The following COL19A1 variants were observed in gnomAD, a reference collection of about 807,000 sequenced individuals.
COL19A1 encodes collagen alpha-1(XIX) chain.
COL19A1 carries 159 observed loss-of-function variants against 190.2 expected under a neutral mutation model. That is an observed-to-expected ratio of 0.84 (90% CI 0.73 to 0.95). COL19A1 has a LOEUF of 0.95. COL19A1 is among the 40% of genes least tolerant of loss of function. The probability of loss-of-function intolerance (pLI) is 0.00; values close to 1 mark genes in which losing one functional copy is unlikely to be tolerated. For missense variants in COL19A1, 1,418 were observed against 1,431.9 expected (o/e 0.99, Z 0.16); for synonymous variants, 509 against 458.9 (o/e 1.11, Z -1.39).
chr6:70,179,158 T>C (rs1050297560), intron 42 of COL19A1, among the ~76,000 whole-genome samples: 32 of 152,178 alleles, frequency 2.1e-4, no homozygotes, highest in Admixed American at 2.1e-3. Flanking sequence ...TCTCTCTAAC[T>C]TCTGCCTGCC....
At chr6:70,043,578 G>T (rs1014627173) in intron 14 of COL19A1, among the ~76,000 whole-genome samples, 1 of 152,186 alleles carries the variant, frequency 6.6e-6, no homozygotes, top group African/African-American at 2.4e-5. Flanking sequence ...GTGTTAGCAG[G>T]CATGAAAACG....
chr6:70,045,764 C>A (rs1007310419), intron 14 of COL19A1, among the ~76,000 whole-genome samples: 2 of 152,186 alleles, frequency 1.3e-5, no homozygotes, highest in African/African-American at 4.8e-5. Flanking sequence ...ACAGGAATTG[C>A]ATTTGCCCTA....
chr6:69,985,590 T>C (rs1172969041), intron 11 of COL19A1, among the ~76,000 whole-genome samples: 2 of 152,108 alleles, frequency 1.3e-5, no homozygotes, highest in Admixed American at 1.3e-4. Context: ...GCTGAGTATA[T>C]ATGCAAACAG....
intron 16 of COL19A1, among the ~76,000 whole-genome samples, chr6:70,113,021 C>T (rs188737735): frequency 7.9e-4 from 120 of 152,268 alleles, no homozygotes; most frequent in African/African-American, 2.8e-3. Context: ...TGCTGCAATC[C>T]TTCACCTGTT....
chr6:70,133,981 C>G (rs1268152853), intron 18 of COL19A1, among the ~76,000 whole-genome samples: 2 of 152,180 alleles, frequency 1.3e-5, no homozygotes, highest in Non-Finnish European at 2.9e-5. Flanking sequence ...ACTTTTATTT[C>G]ACCATGTACA....
chr6:70,086,015 A>G (rs1444407917), intron 15 of COL19A1, among the ~76,000 whole-genome samples: 1 of 152,190 alleles, frequency 6.6e-6, no homozygotes. Context: ...GAAAAATAAA[A>G]TGATGTTAAA....
intron 48 of COL19A1, among the ~76,000 whole-genome samples, chr6:70,196,562 G>T (rs1234982341): frequency 6.6e-6 from 1 of 152,232 alleles, no homozygotes; most frequent in East Asian, 1.9e-4. Context: ...TGACATGTGT[G>T]TGTTCCTTCC....
intron 11 of COL19A1, among the ~76,000 whole-genome samples, chr6:69,994,893 C>A (rs1776814464): frequency 6.6e-6 from 1 of 152,114 alleles, no homozygotes; most frequent in South Asian, 2.1e-4. Context: ...GCATATCTGA[C>A]CCTGCCCACG....
At chr6:70,098,748 T>G in intron 15 of COL19A1, 1 of 208,144 alleles carries the variant, frequency 4.8e-6, no homozygotes, top group Non-Finnish European at 9.7e-6. Flanking sequence ...CTTTCCCTAA[T>G]GCTTTTAAGT....
intron 9 of COL19A1, among the ~76,000 whole-genome samples, chr6:69,945,095 C>G (rs1035291139): frequency 6.6e-6 from 1 of 151,882 alleles, no homozygotes; most frequent in Non-Finnish European, 1.5e-5. Flanking sequence ...AAAATATTAG[C>G]TCAATTTTAA....
At chr6:70,033,320 C>T (rs913306177) in intron 12 of COL19A1, among the ~76,000 whole-genome samples, 1 of 152,078 alleles carries the variant, frequency 6.6e-6, no homozygotes, top group Admixed American at 6.6e-5. Context: ...GCAGTAATAG[C>T]CGGGTCTTTC....
chr6:69,876,249 A>G (rs954697960), intron 1 of COL19A1, among the ~76,000 whole-genome samples: 2 of 152,244 alleles, frequency 1.3e-5, no homozygotes, highest in African/African-American at 4.8e-5. Flanking sequence ...GATAAATGAG[A>G]TAGAAGCTAA....
intron 23 of COL19A1, among the ~76,000 whole-genome samples, chr6:70,143,478 C>T (rs1786395587): frequency 6.6e-6 from 1 of 152,088 alleles, no homozygotes; most frequent in Admixed American, 6.6e-5. Context: ...GGCCATAACT[C>T]CTTGGAGACT....
chr6:70,063,964 C>T (rs530149418), intron 14 of COL19A1, among the ~76,000 whole-genome samples: 1 of 152,238 alleles, frequency 6.6e-6, no homozygotes, highest in Non-Finnish European at 1.5e-5. Flanking sequence ...ATAATAGGCT[C>T]TGAAATTGAG....
At chr6:70,152,102 G>T (rs6928404) in intron 31 of COL19A1, among the ~76,000 whole-genome samples, 79,332 of 151,414 alleles carry the variant, frequency 0.52, 21,638 homozygotes, top group African/African-American at 0.68. Context: ...ATATGTAAGG[G>T]TATGTATTTG....
intron 23 of COL19A1, 147 bp from the exon 24 acceptor site, chr6:70,144,063 T>A: frequency 1.7e-6 from 1 of 599,624 alleles, no homozygotes; most frequent in Non-Finnish European, 2.7e-6. Context: ...TTTTTCCAGG[T>A]CTTAAAGGCC....
chr6:69,996,328 T>C (rs1393388697), intron 11 of COL19A1, among the ~76,000 whole-genome samples: 1 of 152,178 alleles, frequency 6.6e-6, no homozygotes, highest in East Asian at 1.9e-4. Context: ...CTCAGGTCAC[T>C]AGATCACAAT....
At chr6:70,031,041 T>C (rs189966702) in intron 12 of COL19A1, among the ~76,000 whole-genome samples, 1 of 152,234 alleles carries the variant, frequency 6.6e-6, no homozygotes, top group Admixed American at 6.5e-5. Flanking sequence ...AACACTTAAG[T>C]GGCTTCCCAT....
chr6:70,129,380 C>T (rs62420157), intron 17 of COL19A1, among the ~76,000 whole-genome samples: 1,856 of 152,234 alleles, frequency 0.012, 20 homozygotes, highest in Non-Finnish European at 0.018. Context: ...ACCAAATTGG[C>T]CAATTTCACC....
Sources: allele counts gnomAD v4.1 joint callset (sites outside exome capture counted in the v4.1 genomes callset), GRCh38; gene constraint gnomAD v4.1.1; transcripts MANE v1.5; gene names NCBI Gene and HGNC (gene_info 2026-07-23, HGNC 2026-07-21).